The following KANSL1 variants were observed in gnomAD, a reference collection of about 807,000 sequenced individuals.
The protein encoded by KANSL1 is KAT8 regulatory NSL complex subunit 1.
In KANSL1, 22 loss-of-function variants were observed where a neutral mutation model predicts 103.6. The observed-to-expected ratio is 0.21, with a 90% CI of 0.15 to 0.30. The LOEUF (loss-of-function observed/expected upper bound fraction) is 0.30, where lower values mean the gene tolerates loss of function less well. Among genes scored for constraint, KANSL1 ranks in the 10% least tolerant of loss-of-function variants. KANSL1 has a pLI of 1.00. For synonymous variants in KANSL1, 600 were observed against 527.6 expected, an observed-to-expected ratio of 1.14 and a Z score of -1.88; for missense variants, 1,337 against 1,399.8, an observed-to-expected ratio of 0.96 and a Z score of 0.72.
chr17:46,084,516 C>T (rs1278220859), intron 3 of KANSL1, among the ~76,000 whole-genome samples: 3 of 151,370 alleles, frequency 2.0e-5, no homozygotes, highest in Non-Finnish European at 4.4e-5. Context: ...ACAACGTCTC[C>T]AGTAAAAATA....
At chr17:46,210,290 T>C (rs147925724) in intron 1 of KANSL1, among the ~76,000 whole-genome samples, 3,887 of 151,998 alleles carry the variant, frequency 0.026, 171 homozygotes, top group African/African-American at 0.09. Context: ...CTAGCCAACA[T>C]GGTGAAACCC....
intron 2 of KANSL1, among the ~76,000 whole-genome samples, chr17:46,143,755 G>C (rs2044545963): frequency 7.5e-6 from 1 of 133,346 alleles, no homozygotes; most frequent in South Asian, 2.4e-4. Flanking sequence ...AGTGAGCCGA[G>C]ATCACGCCAC....
In KANSL1 at chr17:46,082,535, A is replaced by G; in HGVS notation, c.1439T>C (p.Ile480Thr). 1.3e-6 allele frequency: 2 copies of G among 1,598,536 alleles called. No homozygotes were observed. The highest frequency in any genetic ancestry group is 2.2e-5 in the East Asian group (1 of 44,794). The change falls in exon 4 of 15, where the codon ATA becomes ACA. Residue 480 changes from isoleucine (I) to threonine (T), a missense_variant. Transcript: ENST00000432791. ...YKQIRANKGL[I>T]VLGEVPPPEH... ...TGGGGGAGGTACCTCCCCAAGAACT[A>G]TCAACCCCTGCAGGATAGAGAGGAG...
chr17:46,143,620 C>T (rs528098172), intron 2 of KANSL1, among the ~76,000 whole-genome samples: 1 of 152,078 alleles, frequency 6.6e-6, no homozygotes, highest in African/African-American at 2.4e-5. Context: ...CTGGTTAACA[C>T]GGTGAAACCC....
chr17:46,189,850 T>C (rs1190111184), intron 1 of KANSL1, among the ~76,000 whole-genome samples: 12 of 143,984 alleles, frequency 8.3e-5, no homozygotes, highest in Non-Finnish European at 1.8e-4. Context: ...GAGACTGCAA[T>C]GAGCTGAGAT....
chr17:46,068,177 T>C (rs2078450869), intron 4 of KANSL1, among the ~76,000 whole-genome samples: 1 of 152,194 alleles, frequency 6.6e-6, no homozygotes, highest in Non-Finnish European at 1.5e-5. Flanking sequence ...AGTATCAAGA[T>C]GACTAAGAGG....
intron 2 of KANSL1, among the ~76,000 whole-genome samples, chr17:46,155,998 T>G (rs1356959170): frequency 6.6e-6 from 1 of 152,132 alleles, no homozygotes; most frequent in Non-Finnish European, 1.5e-5. Context: ...TGACAAAAGC[T>G]GGGGGAAATA....
At chr17:46,138,494 T>C (rs1015531684) in intron 2 of KANSL1, among the ~76,000 whole-genome samples, 8 of 152,250 alleles carry the variant, frequency 5.3e-5, no homozygotes, top group African/African-American at 1.4e-4. Flanking sequence ...TCCCATCTTA[T>C]ATCAGGGATT....
chr17:46,197,584 A>C (rs2047655304), upstream of KANSL1, among the ~76,000 whole-genome samples: 1 of 152,284 alleles, frequency 6.6e-6, no homozygotes, highest in Non-Finnish European at 1.5e-5. Context: ...CAGAGGTTGC[A>C]GTGAGCCAAG....
chr17:46,152,594 G>GGAA (rs148676884), intron 2 of KANSL1, among the ~76,000 whole-genome samples: 1 of 135,450 alleles, frequency 7.4e-6, no homozygotes, highest in Admixed American at 7.4e-5. Context: ...GGGGGGGGGG[G>GGAA]ATTTCAGAGA....
At chr17:46,101,100 A>G (rs1431650234) in intron 2 of KANSL1, among the ~76,000 whole-genome samples, 1 of 152,254 alleles carries the variant, frequency 6.6e-6, no homozygotes, top group African/African-American at 2.4e-5. Context: ...AACTTTTAAA[A>G]ACCAAAAGAT....
Position 46,214,106 on chromosome 17 carries a change from T to C in KANSL1, c.-90+9565A>G, listed in dbSNP as rs1014792452. On this transcript the variant is annotated intron_variant, in intron 1 of 14. Transcript: ENST00000572904. ...GTGGTCAGCAAACTAGTTCTCTTTTTCCAAAAGCAAAAACAACAAAAACAC... is the reference window on the plus strand; with the variant it reads ...GTGGTCAGCAAACTAGTTCTCTTTTCCCAAAAGCAAAAACAACAAAAACAC... Among the ~76,000 whole-genome samples, 5 of 152,320 alleles carry C rather than the reference T, an allele frequency of 3.3e-5. No homozygotes were observed. The South Asian group carries it at 6.2e-4, about 19-fold the overall frequency.
Position 46,171,694 on chromosome 17 carries a change from T to G in KANSL1, c.450A>C (p.Pro150=), listed in dbSNP as rs996008942. The G allele has an allele frequency of 6.4e-7, 1 of 1,555,596 alleles. No homozygotes were observed. Among genetic ancestry groups the G allele is most frequent in the Non-Finnish European group, 8.7e-7 (1 of 1,155,390 alleles). Residue 150 remains proline (P), a synonymous_variant, in exon 2 of 15, where the codon CCA becomes CCC. Coordinates refer to ENST00000432791, the MANE Select transcript of KANSL1 (RefSeq NM_015443.4). ...TMNTSGQTAL[P]QAPVNGLAKK... ...TAGCCAACCCATTTACAGGTGCTTG[T>G]GGCAGAGCTGTCTGACCACTCGTAT...
intron 4 of KANSL1, among the ~76,000 whole-genome samples, chr17:46,081,191 T>A (rs1292385089): frequency 6.6e-6 from 1 of 152,160 alleles, no homozygotes; most frequent in Admixed American, 6.6e-5. Flanking sequence ...ACAGGGAGAT[T>A]ACTCAAAAAA....
chr17:46,147,448 C>T (rs2044772853), intron 2 of KANSL1, among the ~76,000 whole-genome samples: 1 of 151,898 alleles, frequency 6.6e-6, no homozygotes, highest in Non-Finnish European at 1.5e-5. Flanking sequence ...GTAGCATGCG[C>T]CTGTAGTGCC....
At chr17:46,156,548 G>A (rs541548491) in intron 2 of KANSL1, among the ~76,000 whole-genome samples, 1 of 152,182 alleles carries the variant, frequency 6.6e-6, no homozygotes, top group Non-Finnish European at 1.5e-5. Context: ...TTTAATGCCT[G>A]TACCATGTAT....
chr17:46,181,408 T>C (rs1485516316), intron 1 of KANSL1, among the ~76,000 whole-genome samples: 1 of 151,816 alleles, frequency 6.6e-6, no homozygotes, highest in Non-Finnish European at 1.5e-5. Flanking sequence ...CATCTCACTT[T>C]CCTACTCTGA....
At chr17:46,053,424 CGAG>C (rs1364238914) in intron 6 of KANSL1, among the ~76,000 whole-genome samples, 1 of 151,488 alleles carries the variant, frequency 6.6e-6, no homozygotes, top group African/African-American at 2.4e-5. Context: ...TAATAGAACC[CGAG>C]GAGTATATAA....
chr17:46,219,435 T>C (rs3110333), intron 1 of KANSL1, among the ~76,000 whole-genome samples: 14,586 of 142,600 alleles, frequency 0.1, no homozygotes, highest in Middle Eastern at 0.17. Context: ...CAATCACAGT[T>C]CACTGCAACC....
Sources: gnomAD v4.1 joint callset for allele counts (sites outside exome capture counted in the v4.1 genomes callset) on GRCh38, gnomAD v4.1.1 for gene constraint, MANE v1.5 for transcripts, NCBI Gene and HGNC (gene_info 2026-07-23, HGNC 2026-07-21) for gene names.